The following ARHGAP44 variants were observed in gnomAD, a reference collection of about 807,000 sequenced individuals.
ARHGAP44 encodes the protein rho GTPase-activating protein 44.
Under a neutral mutation model 106.8 loss-of-function variants are expected in ARHGAP44, and 43 were observed. That is an observed-to-expected ratio of 0.40 (90% CI 0.32 to 0.52). ARHGAP44 has a LOEUF of 0.52. Among genes scored for constraint, ARHGAP44 ranks in the 20% least tolerant of loss-of-function variants. The pLI is 0.48. For synonymous variants in ARHGAP44, 439 were observed against 410.3 expected, an observed-to-expected ratio of 1.07 and a Z score of -0.85; for missense variants, 866 against 1,050.5, an observed-to-expected ratio of 0.82 and a Z score of 2.43.
intron 7 of ARHGAP44, among the ~76,000 whole-genome samples, chr17:12,938,582 T>TTAAAAAAAAAAA (rs376200698): frequency 1.6e-5 from 2 of 127,000 alleles, no homozygotes; most frequent in Non-Finnish European, 3.4e-5. Context: ...AGCTATATAT[T>TTAAAAAAAAAAA]AAAAAAAAAA....
intron 13 of ARHGAP44, among the ~76,000 whole-genome samples, chr17:12,955,457 C>G (rs1291151117): frequency 1.3e-5 from 2 of 152,144 alleles, no homozygotes; most frequent in African/African-American, 4.8e-5. Context: ...CTGAGGGTAA[C>G]TCCAAGAAAC....
intron 3 of ARHGAP44, among the ~76,000 whole-genome samples, chr17:12,907,562 G>A (rs1336310590): frequency 6.6e-6 from 1 of 152,156 alleles, no homozygotes; most frequent in Non-Finnish European, 1.5e-5. Context: ...TCATTAAATA[G>A]ATTTATATAA....
chr17:12,983,003 C>A (rs965289996), intron 19 of ARHGAP44: 2 of 151,992 alleles, frequency 1.3e-5, no homozygotes. Context: ...CCGTGGCTCA[C>A]GCCTGTAATC....
At chr17:12,834,996 G>C (rs947174157) in intron 1 of ARHGAP44, among the ~76,000 whole-genome samples, 2 of 152,154 alleles carry the variant, frequency 1.3e-5, no homozygotes, top group African/African-American at 4.8e-5. Flanking sequence ...GAGACTGAAA[G>C]GGAAACTTGC....
chr17:12,903,126 G>GGAGAGAGAGA lies in ARHGAP44; in HGVS notation c.199-5765_199-5756dup, dbSNP rs1555553546. ...AGAGAGAGAGAGAGAGAGAGAGAGA[G>GGAGAGAGAGA]GAGAGAGAGAGAGAGTGTGTGTGTG... On this transcript the variant is annotated intron_variant, in intron 3 of 20. Transcript: ENST00000379672. Among the ~76,000 whole-genome samples, 74 of 70,686 alleles carry GGAGAGAGAGA rather than the reference G, an allele frequency of 1.0e-3. 1 individual carries two copies. Among genetic ancestry groups the GGAGAGAGAGA allele is most frequent in the African/African-American group, 4.1e-3 (63 of 15,482 alleles). The allele number at this position is 70,686 out of a possible 152,430, so 46.4% of individuals were successfully genotyped here.
rs543051622 is a variant in ARHGAP44, at chr17:12,856,591, A to G, written c.54-38349A>G. Among the ~76,000 whole-genome samples, 18 of 152,292 alleles carry G rather than the reference A, an allele frequency of 1.2e-4. No individual in the cohort carries two copies. The East Asian group carries it at 2.5e-3, about 21-fold the overall frequency. ...AAGTTTTTATTTGGGGATTGCCTGC[A>G]TTTCTAAACTTTTGAAAGGCTGTTA... is the stretch of plus-strand genomic sequence containing the variant. On this transcript the variant is annotated intron_variant, in intron 1 of 20. Transcript: ENST00000379672.
Position 12,991,351 on chromosome 17 carries a change from CTCTA to C in ARHGAP44, c.*1182_*1185del, listed in dbSNP as rs1176802235. 1.4e-4 allele frequency: 22 copies of C among 153,602 alleles called. No homozygotes were observed. The highest frequency in any genetic ancestry group is 1.2e-3 in the Admixed American group (19 of 15,288). The allele number at this position is 153,602 out of a possible 1,614,324, so 9.5% of individuals were successfully genotyped here. A position where few individuals can be genotyped will look rare whatever the true frequency, so the allele number is the denominator to read the frequency against. On this transcript the variant is annotated 3_prime_UTR_variant, in exon 21 of 21. Transcript: ENST00000379672. ...TATAATATTTGTATATATGAAATCT[CTCTA>C]TATTTGTTTAATTTGAGCCATTCAA...
intron 7 of ARHGAP44, among the ~76,000 whole-genome samples, chr17:12,931,951 G>A (rs567540887): frequency 2.6e-5 from 4 of 150,960 alleles, no homozygotes; most frequent in East Asian, 3.9e-4. Context: ...TTAGTTTTTG[G>A]CATTCCCAAA....
chr17:12,930,892 T>G (rs1458751890), intron 7 of ARHGAP44, among the ~76,000 whole-genome samples: 1 of 152,192 alleles, frequency 6.6e-6, no homozygotes, highest in Admixed American at 6.5e-5. Context: ...CACCAATATT[T>G]GTTAAGACTT....
At chr17:12,866,110 C>T (rs1362418432) in intron 1 of ARHGAP44, among the ~76,000 whole-genome samples, 1 of 152,056 alleles carries the variant, frequency 6.6e-6, no homozygotes, top group Non-Finnish European at 1.5e-5. Flanking sequence ...TCTAATGGAT[C>T]AGGGGAGAAG....
At chr17:12,970,837 G>A (rs144248883) in intron 16 of ARHGAP44, among the ~76,000 whole-genome samples, 50 of 152,264 alleles carry the variant, frequency 3.3e-4, no homozygotes, top group African/African-American at 1.2e-3. Context: ...CCCCTTCTTG[G>A]CAGCATACTG....
intron 1 of ARHGAP44, among the ~76,000 whole-genome samples, chr17:12,888,966 C>T (rs2036962522): frequency 6.6e-6 from 1 of 151,978 alleles, no homozygotes; most frequent in South Asian, 2.1e-4. Context: ...TTTAAGCTGC[C>T]TGTATAATTT....
rs1297915698 is a variant in ARHGAP44 at position 12,984,359 on chromosome 17, G to C, written c.1940-172G>C. The C allele has an allele frequency of 5.8e-5, 31 of 531,826 alleles. No homozygotes were observed. The Admixed American group carries it at 1.3e-3, about 22-fold the overall frequency. 32.9% of individuals were successfully genotyped at this position (531,826 alleles called of 1,614,324 possible). A position where few individuals can be genotyped will look rare whatever the true frequency, so the allele number is the denominator to read the frequency against. The stretch of plus-strand genomic sequence containing the variant: ...CGGTTAATTTTTAAAAATTGTATTG[G>C]CTGCTGTCAATGTGGCAAGAGGCCG... On this transcript the variant is annotated intron_variant, in intron 19 of 20. Transcript: ENST00000379672.
intron 16 of ARHGAP44, among the ~76,000 whole-genome samples, chr17:12,966,376 T>C (rs1251698072): frequency 5.9e-5 from 9 of 152,104 alleles, no homozygotes; most frequent in Non-Finnish European, 1.2e-4. Context: ...TTAGACATTG[T>C]TGGATGCTGG....
At chr17:12,845,443 G>A (rs1342246027) in intron 1 of ARHGAP44, among the ~76,000 whole-genome samples, 1 of 149,898 alleles carries the variant, frequency 6.7e-6, no homozygotes, top group Non-Finnish European at 1.5e-5. Flanking sequence ...GGGAGGCGGA[G>A]GTTGCAGTGA....
At chr17:12,979,783 C>T (rs942049389) in intron 18 of ARHGAP44, among the ~76,000 whole-genome samples, 5 of 152,212 alleles carry the variant, frequency 3.3e-5, no homozygotes, top group Non-Finnish European at 5.9e-5. Context: ...CTCACGGTCT[C>T]CTTGAAGAGA....
chr17:12,924,547 C>T (rs180764607), intron 6 of ARHGAP44, among the ~76,000 whole-genome samples: 1 of 152,170 alleles, frequency 6.6e-6, no homozygotes, highest in Admixed American at 6.5e-5. Flanking sequence ...AACCAGCTGC[C>T]TCTGGGTCCT....
chr17:12,824,175 A>G (rs910628579), intron 1 of ARHGAP44, among the ~76,000 whole-genome samples: 1 of 151,990 alleles, frequency 6.6e-6, no homozygotes, highest in Admixed American at 6.6e-5. Context: ...GGCTTCAGGG[A>G]CCATTCTGTG....
chr17:12,844,620 A>C (rs2035510794), intron 1 of ARHGAP44, among the ~76,000 whole-genome samples: 1 of 152,192 alleles, frequency 6.6e-6, no homozygotes. Flanking sequence ...AGACAGTAAC[A>C]CTGATGATAC....
Sources: allele counts gnomAD v4.1 joint callset (sites outside exome capture counted in the v4.1 genomes callset), GRCh38; gene constraint gnomAD v4.1.1; transcripts MANE v1.5; gene names NCBI Gene and HGNC (gene_info 2026-07-23, HGNC 2026-07-21).